Variants in CUX1 observed in about 807,000 individuals in gnomAD.
CUX1 encodes cut like homeobox 1, also known as protein CASP.
Under a neutral mutation model 158.8 loss-of-function variants are expected in CUX1, and 31 were observed. The observed-to-expected ratio is 0.20, with a 90% CI of 0.15 to 0.26. The LOEUF (loss-of-function observed/expected upper bound fraction) is 0.26, where lower values mean the gene tolerates loss of function less well. Ranked by LOEUF, CUX1 falls within the 10% of genes least tolerant of loss-of-function variation. The probability of loss-of-function intolerance (pLI) is 1.00; values close to 1 mark genes in which losing one functional copy is unlikely to be tolerated. For missense variants in CUX1, 1,589 were observed against 2,014.6 expected (o/e 0.79, Z 4.04); for synonymous variants, 879 against 862.1 (o/e 1.02, Z -0.34).
chr7:102,140,339 G>A (rs905612583), intron 8 of CUX1, among the ~76,000 whole-genome samples: 2 of 152,064 alleles, frequency 1.3e-5, no homozygotes, highest in South Asian at 4.2e-4. Context: ...CTCCACCTCC[G>A]GGTTCAAGCA....
chr7:102,101,544 G>A (rs1488351773), intron 5 of CUX1, among the ~76,000 whole-genome samples: 1 of 152,200 alleles, frequency 6.6e-6, no homozygotes, highest in African/African-American at 2.4e-5. Flanking sequence ...ACTGTGATGT[G>A]TCACTGAGGA....
chr7:102,196,107 T>C (rs1301786193), intron 14 of CUX1, among the ~76,000 whole-genome samples: 2 of 152,230 alleles, frequency 1.3e-5, no homozygotes, highest in African/African-American at 4.8e-5. Context: ...ACTGTGCTTC[T>C]GGTTTGGGCA....
upstream of CUX1, among the ~76,000 whole-genome samples, chr7:101,816,479 G>C: frequency 7.2e-6 from 1 of 139,308 alleles, no homozygotes; most frequent in African/African-American, 2.6e-5. Context: ...CCGGCGGCCC[G>C]CGGGGTGCGC....
At chr7:102,079,043 C>T (rs144296039) in intron 4 of CUX1, among the ~76,000 whole-genome samples, 56 of 152,286 alleles carry the variant, frequency 3.7e-4, no homozygotes, top group Non-Finnish European at 7.4e-4. Context: ...CAAGTGAGGA[C>T]ACATTACAGG....
At chr7:101,948,516 T>C (rs1426373646) in intron 2 of CUX1, among the ~76,000 whole-genome samples, 1 of 152,168 alleles carries the variant, frequency 6.6e-6, no homozygotes. Flanking sequence ...TTTCCAGTGT[T>C]CAAGTTGTCT....
intron 11 of CUX1, among the ~76,000 whole-genome samples, chr7:102,182,547 C>T (rs1333191139): frequency 1.3e-5 from 2 of 152,196 alleles, no homozygotes; most frequent in South Asian, 2.1e-4. Context: ...ATAAATGCCC[C>T]GCTATCCACG....
intron 8 of CUX1, among the ~76,000 whole-genome samples, chr7:102,119,268 TG>T (rs1346710049): frequency 7.3e-6 from 1 of 137,728 alleles, no homozygotes; most frequent in Non-Finnish European, 1.6e-5. Flanking sequence ...CGTGGGGAGA[TG>T]TCACAGGGTA....
At chr7:101,926,677 G>T (rs973783729) in intron 2 of CUX1, among the ~76,000 whole-genome samples, 1 of 152,168 alleles carries the variant, frequency 6.6e-6, no homozygotes, top group African/African-American at 2.4e-5. Context: ...CTCAGGCCAG[G>T]AGTAGAACGC....
In CUX1 at chr7:101,916,294, T is replaced by G. The variant is rs891321471; in HGVS notation, c.141+69T>G. 1.0e-6 allele frequency: 1 copy of G among 984,956 alleles called. No homozygotes were observed. The highest frequency in any genetic ancestry group is 1.6e-6 in the Non-Finnish European group (1 of 613,300). 61.0% of individuals were successfully genotyped at this position (984,956 alleles called of 1,614,324 possible). ...ATGCTGGTGCATGTTCAGGCGACGC[T>G]CCGTGAGCGTTTCATTTTCATCAGA... is the stretch of plus-strand genomic sequence containing the variant. On this transcript the variant is annotated intron_variant, in intron 2 of 23. Coordinates refer to ENST00000292535, the MANE Select transcript of CUX1 (RefSeq NM_181552.4). The surrounding 1 kb of genome is among the most constrained non-coding windows in gnomAD (Gnocchi z 4.4).
chr7:102,087,419 A>G (rs1310497303), intron 4 of CUX1, among the ~76,000 whole-genome samples: 3 of 152,136 alleles, frequency 2.0e-5, no homozygotes, highest in Non-Finnish European at 4.4e-5. Flanking sequence ...TATCTCTACT[A>G]AAAATACAAA....
At chr7:101,942,010 C>A (rs1255366465) in intron 2 of CUX1, among the ~76,000 whole-genome samples, 1 of 152,196 alleles carries the variant, frequency 6.6e-6, no homozygotes, top group Admixed American at 6.5e-5. Context: ...CATGCCAGTA[C>A]ACACTGTTTC....
intron 4 of CUX1, among the ~76,000 whole-genome samples, chr7:102,081,315 A>G (rs1364696997): frequency 6.7e-6 from 1 of 148,414 alleles, no homozygotes; most frequent in African/African-American, 2.4e-5. Context: ...TGCTTTGGCC[A>G]CTGATATGGT....
At chr7:102,094,964 C>T (rs1829024954) in intron 4 of CUX1, among the ~76,000 whole-genome samples, 2 of 151,748 alleles carry the variant, frequency 1.3e-5, no homozygotes, top group African/African-American at 4.8e-5. Context: ...TGTGTTATCA[C>T]GACTCCTGCT....
At chr7:102,208,430 G>A (rs1266568586) in intron 20 of CUX1, among the ~76,000 whole-genome samples, 4 of 152,192 alleles carry the variant, frequency 2.6e-5, no homozygotes, top group African/African-American at 7.2e-5. Flanking sequence ...TAGTAGAGAC[G>A]GGGTTTCGCC....
intron 3 of CUX1, among the ~76,000 whole-genome samples, chr7:102,060,306 G>C (rs758482854): frequency 2.8e-4 from 43 of 151,838 alleles, no homozygotes; most frequent in Non-Finnish European, 5.4e-4. Flanking sequence ...TTAGGGTCCT[G>C]GTCCTCCAGG....
At chr7:102,128,118 G>T (rs146723917) in intron 8 of CUX1, among the ~76,000 whole-genome samples, 1 of 152,188 alleles carries the variant, frequency 6.6e-6, no homozygotes, top group Non-Finnish European at 1.5e-5. Context: ...GATTACAGGC[G>T]TGAGCCACCA....
At chr7:102,133,430 TG>T (rs1833541589) in intron 8 of CUX1, among the ~76,000 whole-genome samples, 1 of 148,876 alleles carries the variant, frequency 6.7e-6, no homozygotes, top group African/African-American at 2.5e-5. Flanking sequence ...AGAGAGAACC[TG>T]GGGGCTTCAT....
rs373544897 is a variant in CUX1 at position 102,248,473 on chromosome 7, G to A, written c.3949G>A (p.Gly1317Ser). Reference sequence around the variant, plus strand: ...TCAGGCCGGGAGTCAGGGCCAGGCGGGCGCCAGCGACTCACCCTCGGCCCG... The same window carrying A: ...TCAGGCCGGGAGTCAGGGCCAGGCGAGCGCCAGCGACTCACCCTCGGCCCG... ...EIQAGSQGQAGASDSPSARSG... is the reference protein window; with the variant it reads ...EIQAGSQGQASASDSPSARSG... Residue 1317 changes from glycine to serine, a missense_variant, in exon 24 of 24, where the codon GGC becomes AGC. This residue lies in a region of CUX1 where 344 missense variants were observed against 323.7 expected (regional missense o/e 1.06). Coordinates refer to ENST00000292535, the MANE Select transcript of CUX1 (RefSeq NM_181552.4). This position sits in a 1 kb window ranked among gnomAD's most constrained non-coding sequence, Gnocchi z 5.8. 43 of 1,594,118 alleles carry A rather than the reference G, an allele frequency of 2.7e-5. No individual in the cohort carries two copies. The highest frequency in any genetic ancestry group is 3.3e-5 in the Non-Finnish European group (39 of 1,174,220).
At chr7:102,161,671 C>T (rs782795874) in intron 9 of CUX1, among the ~76,000 whole-genome samples, 14 of 152,172 alleles carry the variant, frequency 9.2e-5, no homozygotes, top group Non-Finnish European at 1.9e-4. Context: ...AGTGCAATGG[C>T]ACGATCTCAG....
Sources: gnomAD v4.1 joint callset for allele counts (sites outside exome capture counted in the v4.1 genomes callset) on GRCh38, gnomAD v4.1.1 for gene constraint, gnomAD v4.1.1 regional missense constraint, Gnocchi (gnomAD v3.1) non-coding constraint, MANE v1.5 for transcripts, NCBI Gene and HGNC (gene_info 2026-07-23, HGNC 2026-07-21) for gene names.